The following KAZN variants were observed in gnomAD, a reference collection of about 807,000 sequenced individuals.
The protein encoded by KAZN is kazrin, periplakin interacting protein, also known as kazrin.
In KAZN, 40 loss-of-function variants were observed where a neutral mutation model predicts 87.4. The observed-to-expected ratio is 0.46, with a 90% CI of 0.36 to 0.60. KAZN has a LOEUF of 0.60. KAZN is among the 20% of genes least tolerant of loss of function. The pLI, the probability that KAZN is intolerant of heterozygous loss-of-function variation, is 0.00. For synonymous variants in KAZN, 466 were observed against 458.3 expected (o/e 1.02, Z -0.22); for missense variants, 898 against 1,073.9 (o/e 0.84, Z 2.29).
In KAZN at chr1:15,117,309, C is replaced by G. The variant is rs900532665; in HGVS notation, c.*2674C>G. Reference sequence around the variant, plus strand: ...TCTGGACCTGGGGACGATGTGGATGCACTTCTTGGAAAGCTGTTGTAGCTT... The same window carrying G: ...TCTGGACCTGGGGACGATGTGGATGGACTTCTTGGAAAGCTGTTGTAGCTT... On this transcript the variant is annotated 3_prime_UTR_variant, in exon 15 of 15. Coordinates refer to ENST00000376030, the MANE Select transcript of KAZN (RefSeq NM_201628.3). 1 of 152,286 alleles carries G rather than the reference C, an allele frequency of 6.6e-6. No individual in the cohort carries two copies. Among genetic ancestry groups the G allele is most frequent in the African/African-American group, 2.4e-5 (1 of 41,430 alleles). The allele number at this position is 152,286 out of a possible 1,614,324, so 9.4% of individuals were successfully genotyped here.
At chr1:14,586,410 A>G (rs1226011530) in intron 2 of KAZN, among the ~76,000 whole-genome samples, 1 of 152,210 alleles carries the variant, frequency 6.6e-6, no homozygotes, top group Non-Finnish European at 1.5e-5. Context: ...AGTAATAGTA[A>G]GAATTGCTAC....
At chr1:15,030,630 G>A (rs1198317053) in intron 2 of KAZN, among the ~76,000 whole-genome samples, 1 of 152,188 alleles carries the variant, frequency 6.6e-6, no homozygotes, top group Non-Finnish European at 1.5e-5. Flanking sequence ...ATGTTAGGGG[G>A]CAGGGCACAA....
At chr1:13,904,120 GC>G (rs1399689036) in intron 1 of KAZN, among the ~76,000 whole-genome samples, 1 of 152,198 alleles carries the variant, frequency 6.6e-6, no homozygotes, top group East Asian at 1.9e-4. Flanking sequence ...TGTCTGAAAG[GC>G]TGGGTAGAGG....
At chr1:14,600,442 G>A (rs1159094413) in intron 1 of KAZN, among the ~76,000 whole-genome samples, 1 of 152,084 alleles carries the variant, frequency 6.6e-6, no homozygotes, top group Admixed American at 6.5e-5. Flanking sequence ...GCCTGCCCAC[G>A]TGCAGTTTTA....
intron 2 of KAZN, among the ~76,000 whole-genome samples, chr1:14,418,207 TAGG>T (rs1361142404): frequency 6.6e-6 from 1 of 151,812 alleles, no homozygotes; most frequent in Non-Finnish European, 1.5e-5. Flanking sequence ...GATGAGATAT[TAGG>T]AGCTCAAATT....
intron 6 of KAZN, chr1:15,062,210 T>C (rs769825616): frequency 6.6e-6 from 1 of 152,392 alleles, no homozygotes; most frequent in Non-Finnish European, 1.5e-5. Flanking sequence ...CCTTGGCACA[T>C]TCCTGCTGCC....
intron 2 of KAZN, among the ~76,000 whole-genome samples, chr1:14,196,553 G>A (rs1468024853): frequency 6.6e-6 from 1 of 152,066 alleles, no homozygotes; most frequent in East Asian, 1.9e-4. Context: ...TTTGGCTTGG[G>A]CATCTGGAAG....
rs916228968 is a variant in KAZN, at chr1:14,782,572, A to G, written c.227-178112A>G. On this transcript the variant is annotated intron_variant, in intron 1 of 14. Coordinates refer to ENST00000376030, the MANE Select transcript of KAZN (RefSeq NM_201628.3). ...CAAAGAGCAAAAAAAAAAAAAAAAAAAAAAAAGAAAAGAAAAAGAAATGCA... is the reference window on the plus strand; with the variant it reads ...CAAAGAGCAAAAAAAAAAAAAAAAAGAAAAAAGAAAAGAAAAAGAAATGCA... 4.8e-4 allele frequency among the ~76,000 whole-genome samples: 73 copies of G among 151,162 alleles called. No individual in the cohort carries two copies. The East Asian group carries it at 0.011, about 24-fold the overall frequency.
At chr1:14,644,498 A>G (rs1197288065) in intron 1 of KAZN, among the ~76,000 whole-genome samples, 1 of 151,690 alleles carries the variant, frequency 6.6e-6, no homozygotes, top group Non-Finnish European at 1.5e-5. Flanking sequence ...AGTAGCTGGG[A>G]CTACAGGCGC....
At position 15,094,251 on chromosome 1, in the gene KAZN, C is replaced by T. The variant is rs756756175; in HGVS notation, c.1294C>T (p.Leu432=). 6.2e-7 allele frequency: 1 copy of T among 1,613,974 alleles called. No individual in the cohort carries two copies. The highest frequency in any genetic ancestry group is 8.5e-7 in the Non-Finnish European group (1 of 1,179,892). ...LSEGEEQMDR[L]QQVELVRTTP... ...GGAAGGCGAGGAGCAGATGGACCGGCTGCAGCAGGTGGAGCTGGTGAGGAC... is the reference window on the plus strand; with the variant it reads ...GGAAGGCGAGGAGCAGATGGACCGGTTGCAGCAGGTGGAGCTGGTGAGGAC... Residue 432 remains leucine (L), a synonymous_variant, in exon 9 of 15, where the codon CTG becomes TTG. Coordinates refer to ENST00000376030, the MANE Select transcript of KAZN (RefSeq NM_201628.3). The surrounding 1 kb of genome is among the most constrained non-coding windows in gnomAD (Gnocchi z 4.5).
chr1:14,598,050 C>G (rs1033913788), upstream of KAZN, among the ~76,000 whole-genome samples: 2 of 152,210 alleles, frequency 1.3e-5, no homozygotes, highest in Admixed American at 6.5e-5. This position sits in a 1 kb window ranked among gnomAD's most constrained non-coding sequence, Gnocchi z 4.2. Context: ...GGCTAAGAAG[C>G]TTAGGAGCTG....
intron 1 of KAZN, among the ~76,000 whole-genome samples, chr1:14,931,402 T>C (rs2101577574): frequency 6.6e-6 from 1 of 152,026 alleles, no homozygotes; most frequent in Non-Finnish European, 1.5e-5. Context: ...TGAGCTAAGA[T>C]CATGCCACTG....
At chr1:14,093,508 G>A (rs546545362) in intron 1 of KAZN, among the ~76,000 whole-genome samples, 1 of 152,158 alleles carries the variant, frequency 6.6e-6, no homozygotes, top group Admixed American at 6.5e-5. Flanking sequence ...TTCCTTCCCT[G>A]TCTGCCTGAT....
At chr1:14,527,199 C>T (rs999569767) in intron 2 of KAZN, among the ~76,000 whole-genome samples, 1 of 152,030 alleles carries the variant, frequency 6.6e-6, no homozygotes, top group Non-Finnish European at 1.5e-5. Context: ...TAAAGACTTC[C>T]GGTCTTAGTC....
At chr1:13,963,765 G>C (rs1436750052) in intron 1 of KAZN, among the ~76,000 whole-genome samples, 36 of 46,926 alleles carry the variant, frequency 7.7e-4, no homozygotes, top group Non-Finnish European at 2.9e-4. Flanking sequence ...TGGTCTGTGT[G>C]TGTGTGTGTG....
chr1:14,203,196 G>T (rs1267172868), intron 2 of KAZN, among the ~76,000 whole-genome samples: 1 of 152,084 alleles, frequency 6.6e-6, no homozygotes, highest in African/African-American at 2.4e-5. Context: ...GTGAAAAATG[G>T]ATTCTGTATA....
At chr1:15,110,237 A>T (rs55984262) in intron 13 of KAZN, among the ~76,000 whole-genome samples, 135,961 of 151,584 alleles carry the variant, frequency 0.9, 61,029 homozygotes, top group East Asian at 0.99. Flanking sequence ...GTATGTGTAT[A>T]TATGTATATG....
chr1:14,716,045 A>C (rs913177691), intron 1 of KAZN, among the ~76,000 whole-genome samples: 1 of 152,230 alleles, frequency 6.6e-6, no homozygotes, highest in South Asian at 2.1e-4. Flanking sequence ...GGATTTCTTC[A>C]TCAGAAGTGT....
chr1:14,147,711 A>G (rs1029389254), intron 1 of KAZN, among the ~76,000 whole-genome samples: 34 of 151,254 alleles, frequency 2.2e-4, no homozygotes, highest in African/African-American at 8.0e-4. Context: ...CAGGAGAACC[A>G]CTTGAACCTG....
Sources: allele counts gnomAD v4.1 joint callset (sites outside exome capture counted in the v4.1 genomes callset), GRCh38; gene constraint gnomAD v4.1.1; non-coding constraint Gnocchi (gnomAD v3.1); transcripts MANE v1.5; gene names NCBI Gene and HGNC (gene_info 2026-07-23, HGNC 2026-07-21).